Variants in DPYD observed in about 807,000 individuals in gnomAD.
DPYD encodes the protein dihydropyrimidine dehydrogenase [NADP(+)].
In DPYD, 109 loss-of-function variants were observed where a neutral mutation model predicts 116.2. The ratio of observed to expected loss-of-function variants is 0.94; its 90% CI spans 0.80 to 1.10. The LOEUF is 1.10. Ranked by LOEUF, DPYD falls within the 50% of genes least tolerant of loss-of-function variation. The pLI is 0.00. For missense variants in DPYD, 1,302 were observed against 1,254.5 expected (o/e 1.04, Z -0.57); for synonymous variants, 440 against 432.0 (o/e 1.02, Z -0.23).
At chr1:97,814,941 G>GGAAGGAGAGAA (rs1668514099) in intron 3 of DPYD, among the ~76,000 whole-genome samples, 1 of 39,580 alleles carries the variant, frequency 2.5e-5, no homozygotes, top group Admixed American at 3.0e-4. Flanking sequence ...AGGAAAGAAA[G>GGAAGGAGAGAA]AAAGAAAGAA....
chr1:97,737,903 G>A (rs1344180526), intron 4 of DPYD, among the ~76,000 whole-genome samples: 1 of 151,944 alleles, frequency 6.6e-6, no homozygotes, highest in Non-Finnish European at 1.5e-5. Flanking sequence ...TTTTAATAAG[G>A]ATCTATCACA....
At chr1:97,125,888 T>C (rs1652794583) in intron 20 of DPYD, among the ~76,000 whole-genome samples, 1 of 152,140 alleles carries the variant, frequency 6.6e-6, no homozygotes, top group African/African-American at 2.4e-5. Context: ...CATAGCAGTC[T>C]AAACTACTAA....
intron 3 of DPYD, among the ~76,000 whole-genome samples, chr1:97,806,351 G>A (rs1022684341): frequency 2.6e-5 from 4 of 151,786 alleles, no homozygotes; most frequent in Admixed American, 6.6e-5. Context: ...CATCATACAA[G>A]TGGGTATAAA....
intron 13 of DPYD, among the ~76,000 whole-genome samples, chr1:97,461,593 C>T (rs1300188578): frequency 6.6e-6 from 1 of 152,094 alleles, no homozygotes; most frequent in Non-Finnish European, 1.5e-5. Context: ...AATGAAAAAT[C>T]ATTTATTTGA....
intron 4 of DPYD, among the ~76,000 whole-genome samples, chr1:97,733,081 T>C (rs1663723025): frequency 1.3e-5 from 2 of 151,998 alleles, no homozygotes; most frequent in African/African-American, 4.8e-5. Context: ...AAATATGGAA[T>C]CAAATAGGCA....
chr1:97,107,862 A>G (rs1056777637), intron 20 of DPYD, among the ~76,000 whole-genome samples: 1 of 152,132 alleles, frequency 6.6e-6, no homozygotes, highest in African/African-American at 2.4e-5. Flanking sequence ...TACTACCTAC[A>G]TACTCCATTC....
At chr1:97,766,742 G>T (rs1222638521) in intron 3 of DPYD, among the ~76,000 whole-genome samples, 1 of 152,192 alleles carries the variant, frequency 6.6e-6, no homozygotes, top group Non-Finnish European at 1.5e-5. Flanking sequence ...TATGGATTTT[G>T]CAGCAGAGAG....
At chr1:97,490,294 AT>A (rs1678895303) in intron 13 of DPYD, among the ~76,000 whole-genome samples, 1 of 149,206 alleles carries the variant, frequency 6.7e-6, no homozygotes, top group Non-Finnish European at 1.5e-5. Flanking sequence ...TTCATCCTTT[AT>A]TATTATACTA....
In DPYD at chr1:97,381,660, G is replaced by A. The variant is rs574012779; in HGVS notation, c.1974+733C>T. The stretch of plus-strand genomic sequence containing the variant: ...GCTTTGCAATATTTTATAATGTAGC[G>A]TCAATTAGTTCATTGGTATAGTTAG... On this transcript the variant is annotated intron_variant, in intron 15 of 22. Coordinates refer to ENST00000370192, the MANE Select transcript of DPYD (RefSeq NM_000110.4). Among the ~76,000 whole-genome samples, 533 of 152,152 alleles carry A rather than the reference G, an allele frequency of 3.5e-3. 2 individuals are homozygous for A. The highest frequency in any genetic ancestry group is 0.012 in the African/African-American group (517 of 41,510).
chr1:97,437,940 C>T (rs941273190), intron 14 of DPYD, among the ~76,000 whole-genome samples: 17 of 151,958 alleles, frequency 1.1e-4, no homozygotes, highest in Non-Finnish European at 1.3e-4. Context: ...TTTCTTGTTG[C>T]ATAAGAACAC....
chr1:97,326,436 CTAAT>C (rs1241919224), intron 16 of DPYD, among the ~76,000 whole-genome samples: 3 of 151,764 alleles, frequency 2.0e-5, no homozygotes, highest in Non-Finnish European at 2.9e-5. Context: ...AAATTAAACT[CTAAT>C]TAGTAGATGG....
chr1:97,881,237 T>G (rs1441210494), intron 2 of DPYD, among the ~76,000 whole-genome samples: 2 of 151,966 alleles, frequency 1.3e-5, no homozygotes, highest in Admixed American at 6.6e-5. Flanking sequence ...TATGTCCTAA[T>G]CCAATATAGC....
intron 12 of DPYD, among the ~76,000 whole-genome samples, chr1:97,541,290 A>C (rs994987073): frequency 1.3e-5 from 2 of 152,238 alleles, no homozygotes; most frequent in Admixed American, 1.3e-4. Context: ...AAAAAGAAAG[A>C]AGGTTGATTC....
rs369238787 is a variant in DPYD at position 97,720,462 on chromosome 1, G to A, written c.483+1048C>T. ...TAAGCCTAATGCAATTTTGAATTTG[G>A]TAAGAAAAGAAATTAAATCCCAGAA... On this transcript the variant is annotated intron_variant, in intron 5 of 22. Coordinates refer to ENST00000370192, the MANE Select transcript of DPYD (RefSeq NM_000110.4). The A allele has an allele frequency of 1.4e-5, 14 of 991,116 alleles. No individual in the cohort carries two copies. In the African/African-American group the frequency reaches 2.3e-4, roughly 16 times the overall value. The allele number at this position is 991,116 out of a possible 1,614,324, so 61.4% of individuals were successfully genotyped here. A position where few individuals can be genotyped will look rare whatever the true frequency, so the allele number is the denominator to read the frequency against.
Position 97,691,707 on chromosome 1 carries a change from T to G in DPYD, c.762+10A>C. 6.2e-7 allele frequency: 1 copy of G among 1,612,592 alleles called. No individual in the cohort carries two copies. The highest frequency in any genetic ancestry group is 8.5e-7 in the Non-Finnish European group (1 of 1,178,754). ...TGAGCAGTACACAGATAGGTGTTTT[T>G]TTCATTTACCTTTACACCAAGGTCC... On this transcript the variant is annotated intron_variant, in intron 7 of 22. Coordinates refer to ENST00000370192, the MANE Select transcript of DPYD (RefSeq NM_000110.4).
rs1405052535 is a variant in DPYD at position 97,906,110 on chromosome 1, T to G, written c.39+14774A>C. On this transcript the variant is annotated intron_variant, in intron 1 of 22. Transcript: ENST00000370192. ...CCTATACTTACACCTGCCTCACACC[T>G]GACCCATTTCAGCCAGGACAGCCTT... Among the ~76,000 whole-genome samples the G allele has an allele frequency of 5.3e-5, 8 of 152,026 alleles. 1 individual carries two copies.
At chr1:97,277,837 A>G (rs1665049580) in intron 18 of DPYD, among the ~76,000 whole-genome samples, 1 of 152,212 alleles carries the variant, frequency 6.6e-6, no homozygotes, top group African/African-American at 2.4e-5. Context: ...AACTACCTTA[A>G]CAATTAGAAT....
intron 2 of DPYD, among the ~76,000 whole-genome samples, chr1:97,846,338 T>C (rs1436920920): frequency 6.6e-6 from 1 of 152,090 alleles, no homozygotes; most frequent in African/African-American, 2.4e-5. Context: ...GGGAATCTAA[T>C]AAATAAACTG....
chr1:97,651,500 G>A (rs796569272), intron 8 of DPYD, among the ~76,000 whole-genome samples: 3 of 152,176 alleles, frequency 2.0e-5, no homozygotes, highest in African/African-American at 4.8e-5. Context: ...CAAGGCTGCC[G>A]TTCATTAATC....
Sources: gnomAD v4.1 joint callset for allele counts (sites outside exome capture counted in the v4.1 genomes callset) on GRCh38, gnomAD v4.1.1 for gene constraint, MANE v1.5 for transcripts, NCBI Gene and HGNC (gene_info 2026-07-23, HGNC 2026-07-21) for gene names.